Variants in ITSN1 observed in about 807,000 individuals in gnomAD.
The protein encoded by ITSN1 is intersectin 1.
Under a neutral mutation model 239.8 loss-of-function variants are expected in ITSN1, and 58 were observed. That is an observed-to-expected ratio of 0.24 (90% CI 0.20 to 0.30). The LOEUF (loss-of-function observed/expected upper bound fraction) is 0.30, where lower values mean the gene tolerates loss of function less well. ITSN1 is among the 10% of genes least tolerant of loss of function. ITSN1 has a pLI of 1.00. For synonymous variants in ITSN1, 780 were observed against 770.8 expected (o/e 1.01, Z -0.20); for missense variants, 1,558 against 2,103.3 (o/e 0.74, Z 5.07).
intron 1 of ITSN1, among the ~76,000 whole-genome samples, chr21:33,644,438 G>A (rs1215844596): frequency 1.3e-5 from 2 of 152,026 alleles, no homozygotes; most frequent in African/African-American, 2.4e-5. Flanking sequence ...TTAAAAAAAT[G>A]GTATTTCTTT....
At chr21:33,862,548 G>A (rs1428858127) in intron 31 of ITSN1, among the ~76,000 whole-genome samples, 1 of 152,240 alleles carries the variant, frequency 6.6e-6, no homozygotes, top group African/African-American at 2.4e-5. Flanking sequence ...AGGGCGGGAA[G>A]TGCAGAGGCT....
At chr21:33,746,486 A>G (rs2067191144) in intron 5 of ITSN1, among the ~76,000 whole-genome samples, 1 of 152,200 alleles carries the variant, frequency 6.6e-6, no homozygotes, top group African/African-American at 2.4e-5. Flanking sequence ...CCAAAAAACA[A>G]TAGAAATTAC....
At position 33,678,597 on chromosome 21, in the gene ITSN1, G is replaced by A. The variant is rs141474298; in HGVS notation, c.-33+35884G>A. 2.3e-3 allele frequency among the ~76,000 whole-genome samples: 354 copies of A among 152,290 alleles called. 2 individuals carry two copies. The highest frequency in any genetic ancestry group is 8.1e-3 in the African/African-American group (336 of 41,550). ...GCTTTTATATCGTGAGCTTCAGTGG[G>A]AGGTTTTGTTTACAGAAAGTTTTCT... On this transcript the variant is annotated intron_variant, in intron 1 of 39. Coordinates refer to ENST00000381318, the MANE Select transcript of ITSN1 (RefSeq NM_003024.3).
At chr21:33,829,850 C>G in intron 27 of ITSN1, 105 bp downstream of exon 27, 4 of 1,343,230 alleles carry the variant, frequency 3.0e-6, no homozygotes, top group South Asian at 1.4e-5. Flanking sequence ...CCCTCACCAC[C>G]TAAATTCTGT....
intron 4 of ITSN1, among the ~76,000 whole-genome samples, chr21:33,734,240 C>A (rs1304683487): frequency 6.6e-6 from 1 of 152,108 alleles, no homozygotes; most frequent in Non-Finnish European, 1.5e-5. Flanking sequence ...TTTCCAGTTA[C>A]AAGGACAAAC....
chr21:33,750,535 T>C (rs2067482145), intron 6 of ITSN1, among the ~76,000 whole-genome samples: 1 of 152,252 alleles, frequency 6.6e-6, no homozygotes, highest in South Asian at 2.1e-4. Context: ...ATTATAGATT[T>C]CTGGGTACCA....
intron 4 of ITSN1, among the ~76,000 whole-genome samples, chr21:33,728,123 C>G (rs1339613823): frequency 6.6e-6 from 1 of 152,068 alleles, no homozygotes; most frequent in East Asian, 1.9e-4. Flanking sequence ...CACTACCATG[C>G]CTGGCTAATT....
chr21:33,703,079 C>CTGTGTGTG lies in ITSN1; in HGVS notation c.-32-15715_-32-15714insGTGTGTGT, dbSNP rs1479310883. Among the ~76,000 whole-genome samples, 3 of 126,892 alleles carry CTGTGTGTG rather than the reference C, an allele frequency of 2.4e-5. No homozygotes were observed. The Admixed American group carries it at 2.4e-4, about 10-fold the overall frequency. The allele number at this position is 126,892 out of a possible 152,430, so 83.2% of individuals were successfully genotyped here. A position where few individuals can be genotyped will look rare whatever the true frequency, so the allele number is the denominator to read the frequency against. The stretch of plus-strand genomic sequence containing the variant: ...CCAGCCTGGGTGGCTGAGCGAGACT[C>CTGTGTGTG]TGTCTGTGTGTGTGTGTGTGTGTGT... On this transcript the variant is annotated intron_variant, in intron 1 of 39. Transcript: ENST00000381318.
intron 5 of ITSN1, 26 bp downstream of exon 5, chr21:33,735,230 T>G: frequency 1.3e-6 from 2 of 1,593,940 alleles, no homozygotes; most frequent in Non-Finnish European, 1.7e-6. Flanking sequence ...AATTGGTTTC[T>G]GTATTTTCTT....
chr21:33,643,577 G>A (rs888993570), intron 1 of ITSN1: 2 of 152,084 alleles, frequency 1.3e-5, no homozygotes, highest in Non-Finnish European at 2.9e-5. Context: ...AGAAGGCTTT[G>A]CTTTGGAAGA....
intron 34 of ITSN1, among the ~76,000 whole-genome samples, chr21:33,879,914 A>C (rs558354033): frequency 6.6e-6 from 1 of 152,378 alleles, no homozygotes; most frequent in South Asian, 2.1e-4. Context: ...TCCTGAACTC[A>C]GGTGATCTGC....
At chr21:33,843,197 G>A (rs569547475) in intron 29 of ITSN1, among the ~76,000 whole-genome samples, 3 of 152,308 alleles carry the variant, frequency 2.0e-5, no homozygotes, top group Admixed American at 6.5e-5. Flanking sequence ...CGTTCTAGGC[G>A]TACCATTTGA....
In ITSN1 at chr21:33,884,970, A is replaced by G. The variant is rs1046719121; in HGVS notation, c.4677-71A>G. Reference sequence around the variant, plus strand: ...AACAAAGAAACAGAGTCCTGGCAACAGTGTTTGAACAGACCTGAAGCCTTT... The same window carrying G: ...AACAAAGAAACAGAGTCCTGGCAACGGTGTTTGAACAGACCTGAAGCCTTT... On this transcript the variant is annotated intron_variant, in intron 36 of 39. Transcript: ENST00000381318. 2.0e-5 allele frequency: 21 copies of G among 1,057,198 alleles called. 1 individual carries two copies. The highest frequency in any genetic ancestry group is 2.9e-5 in the Non-Finnish European group (20 of 684,490). The allele number at this position is 1,057,198 out of a possible 1,614,324, so 65.5% of individuals were successfully genotyped here. A position where few individuals can be genotyped will look rare whatever the true frequency, so the allele number is the denominator to read the frequency against.
chr21:33,831,752 A>G (rs2074307228), intron 27 of ITSN1, among the ~76,000 whole-genome samples: 1 of 152,160 alleles, frequency 6.6e-6, no homozygotes, highest in African/African-American at 2.4e-5. Context: ...CCAGAATAGA[A>G]GGCACAACCT....
At chr21:33,859,765 G>A (rs1006583507) in intron 31 of ITSN1, among the ~76,000 whole-genome samples, 14 of 152,312 alleles carry the variant, frequency 9.2e-5, no homozygotes, top group African/African-American at 3.4e-4. Flanking sequence ...GTGTGGAGAG[G>A]TGGACATGAA....
At position 33,807,452 on chromosome 21, in the gene ITSN1, C is replaced by A. The variant is rs191317262; in HGVS notation, c.2320-3523C>A. 9.0e-4 allele frequency among the ~76,000 whole-genome samples: 137 copies of A among 152,322 alleles called. 1 individual carries two copies. Among genetic ancestry groups the A allele is most frequent in the Non-Finnish European group, 1.6e-3 (107 of 68,026 alleles). ...TCCCGGGTTCAAGCAGTTGTCCTGC[C>A]TCAGCCTCCCAAGTAGCTGGAATTA... On this transcript the variant is annotated intron_variant, in intron 20 of 39. Transcript: ENST00000381318.
At chr21:33,782,853 G>A (rs548212482) in intron 16 of ITSN1, among the ~76,000 whole-genome samples, 5 of 151,718 alleles carry the variant, frequency 3.3e-5, no homozygotes, top group African/African-American at 9.7e-5. Context: ...GTGAAACCCC[G>A]TCTCTACTAA....
At chr21:33,872,440 G>A (rs1211889075) in intron 33 of ITSN1, among the ~76,000 whole-genome samples, 3 of 152,198 alleles carry the variant, frequency 2.0e-5, no homozygotes, top group Non-Finnish European at 4.4e-5. Context: ...AAATGGACAT[G>A]GAACATTGTA....
chr21:33,830,017 C>T (rs768363182), intron 27 of ITSN1, among the ~76,000 whole-genome samples: 17 of 152,124 alleles, frequency 1.1e-4, no homozygotes, highest in African/African-American at 2.9e-4. Flanking sequence ...ACTCATATGA[C>T]GAGGGATGCC....
Sources: gnomAD v4.1 joint callset for allele counts (sites outside exome capture counted in the v4.1 genomes callset) on GRCh38, gnomAD v4.1.1 for gene constraint, MANE v1.5 for transcripts, NCBI Gene and HGNC (gene_info 2026-07-23, HGNC 2026-07-21) for gene names.